PPARD: variants seen among roughly 807,000 people sequenced by gnomAD.
PPARD encodes the protein peroxisome proliferator activated receptor delta.
In PPARD, 6 loss-of-function variants were observed where a neutral mutation model predicts 39.5. The ratio of observed to expected loss-of-function variants is 0.15; its 90% CI spans 0.08 to 0.30. The LOEUF (loss-of-function observed/expected upper bound fraction) is 0.30. Among genes scored for constraint, PPARD ranks in the 10% least tolerant of loss-of-function variants. PPARD has a pLI of 1.00. For missense variants in PPARD, 397 were observed against 596.8 expected (o/e 0.67, Z 3.49); for synonymous variants, 210 against 231.3 (o/e 0.91, Z 0.83).
intron 2 of PPARD, among the ~76,000 whole-genome samples, chr6:35,383,960 A>C (rs1763350121): frequency 1.7e-5 from 2 of 118,260 alleles, no homozygotes; most frequent in Admixed American, 7.5e-5. Flanking sequence ...CCCCCCCGCC[A>C]GGCCAGCAGC....
At chr6:35,411,326 G>T in intron 3 of PPARD, 109 bp downstream of exon 3, 1 of 1,284,162 alleles carries the variant, frequency 7.8e-7, no homozygotes, top group Non-Finnish European at 1.0e-6. Flanking sequence ...GTAGCAGAGT[G>T]CTGAAGGACT....
At position 35,425,707 on chromosome 6, in the gene PPARD, G is replaced by A. The variant is rs774843214; in HGVS notation, c.1079-125G>A. Reference sequence around the variant, plus strand: ...ACACCCAGTGGAGCATTGCTGATGGGACAGGGCTTGGTCTGTCACGGCCAA... The same window carrying A: ...ACACCCAGTGGAGCATTGCTGATGGAACAGGGCTTGGTCTGTCACGGCCAA... On this transcript the variant is annotated intron_variant, in intron 7 of 7. Transcript: ENST00000360694. The surrounding 1 kb of genome is among the most constrained non-coding windows in gnomAD (Gnocchi z 4.5). The A allele has an allele frequency of 5.1e-6, 7 of 1,383,966 alleles. No individual in the cohort carries two copies. Among genetic ancestry groups the A allele is most frequent in the Admixed American group, 2.0e-5 (1 of 51,200 alleles). The allele number at this position is 1,383,966 out of a possible 1,614,324, so 85.7% of individuals were successfully genotyped here. A position where few individuals can be genotyped will look rare whatever the true frequency, so the allele number is the denominator to read the frequency against.
At chr6:35,370,946 C>T (rs1237694711) in intron 2 of PPARD, among the ~76,000 whole-genome samples, 1 of 152,204 alleles carries the variant, frequency 6.6e-6, no homozygotes, top group Non-Finnish European at 1.5e-5. Flanking sequence ...TTCTTCTTCT[C>T]GTGGTTTTCC....
In PPARD at chr6:35,425,856, C is replaced by T. The variant is rs1766537196; in HGVS notation, c.1103C>T (p.Pro368Leu). Residue 368 changes from proline to leucine, a missense_variant, in exon 8 of 8, where the codon CCA (proline) becomes CTA (leucine). Pro to Leu is a moderately conservative substitution (Grantham distance 98, BLOSUM62 -3). Transcript: ENST00000360694. This position sits in a 1 kb window ranked among gnomAD's most constrained non-coding sequence, Gnocchi z 4.5. ...CGDRPGLMNV[P>L]RVEAIQDTIL... ...GACCGGCCAGGCCTCATGAACGTTC[C>T]ACGGGTGGAGGCTATCCAGGACACC... is the stretch of plus-strand genomic sequence containing the variant. The T allele has an allele frequency of 6.2e-7, 1 of 1,613,940 alleles. No individual in the cohort carries two copies. Among genetic ancestry groups the T allele is most frequent in the South Asian group, 1.1e-5 (1 of 91,082 alleles).
At chr6:35,414,970 C>G (rs1307022629) in intron 3 of PPARD, among the ~76,000 whole-genome samples, 1 of 152,230 alleles carries the variant, frequency 6.6e-6, no homozygotes. Flanking sequence ...CAGAAACCCA[C>G]TTGCCAGGGT....
chr6:35,397,302 A>G (rs1764394048), intron 2 of PPARD, among the ~76,000 whole-genome samples: 1 of 151,770 alleles, frequency 6.6e-6, no homozygotes, highest in African/African-American at 2.4e-5. Flanking sequence ...AAGAAGCACC[A>G]GTGCTGCCTC....
chr6:35,346,497 G>T (rs1420840234), intron 1 of PPARD, among the ~76,000 whole-genome samples: 1 of 152,184 alleles, frequency 6.6e-6, no homozygotes, highest in Non-Finnish European at 1.5e-5. Flanking sequence ...ATGGTTTGGT[G>T]TCCATGCACA....
chr6:35,359,066 T>C (rs1761781241), intron 2 of PPARD, among the ~76,000 whole-genome samples: 1 of 152,060 alleles, frequency 6.6e-6, no homozygotes, highest in African/African-American at 2.4e-5. Flanking sequence ...GAGAGTGAAC[T>C]ATTGTGGGAA....
intron 2 of PPARD, among the ~76,000 whole-genome samples, chr6:35,393,534 C>G (rs534290973): frequency 2.0e-4 from 30 of 152,290 alleles, no homozygotes; most frequent in Admixed American, 1.4e-3. Flanking sequence ...CTCCTCCTGG[C>G]TCTGAGTCCT....
chr6:35,372,057 T>C (rs1562183318), intron 2 of PPARD, among the ~76,000 whole-genome samples: 1 of 152,252 alleles, frequency 6.6e-6, no homozygotes, highest in Non-Finnish European at 1.5e-5. Flanking sequence ...CAAGGGCCTT[T>C]GACAGATTGT....
intron 3 of PPARD, among the ~76,000 whole-genome samples, chr6:35,411,434 A>G (rs1293862308): frequency 6.6e-6 from 1 of 152,244 alleles, no homozygotes. Flanking sequence ...TTCCTTCTGT[A>G]AAACAGGCCA....
At chr6:35,380,029 T>C (rs557270389) in intron 2 of PPARD, among the ~76,000 whole-genome samples, 3 of 152,370 alleles carry the variant, frequency 2.0e-5, no homozygotes, top group South Asian at 4.1e-4. Context: ...TTTTCCATTT[T>C]TCTAGGAGAG....
At chr6:35,387,393 T>G (rs1049012655) in intron 2 of PPARD, among the ~76,000 whole-genome samples, 4 of 152,188 alleles carry the variant, frequency 2.6e-5, no homozygotes, top group African/African-American at 9.7e-5. Context: ...GCCCCTCATT[T>G]TAGTTTATTT....
chr6:35,424,218 G>A lies in PPARD; in HGVS notation c.627+70G>A, dbSNP rs906591843. 7.0e-5 allele frequency: 112 copies of A among 1,592,336 alleles called. No individual in the cohort carries two copies. The highest frequency in any genetic ancestry group is 5.0e-4 in the Middle Eastern group (3 of 6,040). On this transcript the variant is annotated intron_variant, in intron 6 of 7. Coordinates refer to ENST00000360694, the MANE Select transcript of PPARD (RefSeq NM_006238.5). The surrounding 1 kb of genome is among the most constrained non-coding windows in gnomAD (Gnocchi z 7.1). The stretch of plus-strand genomic sequence containing the variant: ...GTCCCACTGCCGCCTGCCTGACTCC[G>A]GGAGAGCCAGGCCTTCTCCCTCCCT...
intron 2 of PPARD, among the ~76,000 whole-genome samples, chr6:35,351,166 C>T (rs776513335): frequency 6.6e-6 from 1 of 152,010 alleles, no homozygotes; most frequent in Non-Finnish European, 1.5e-5. Flanking sequence ...GCTGGGACTA[C>T]AGGTGCCCGC....
Position 35,383,601 on chromosome 6 carries a change from C to G in PPARD, c.-101-27386C>G, listed in dbSNP as rs1763292544. Among the ~76,000 whole-genome samples the G allele has an allele frequency of 2.3e-5, 3 of 132,494 alleles. 1 individual carries two copies. In the South Asian group the frequency reaches 6.4e-4, roughly 28 times the overall value. 86.9% of individuals were successfully genotyped at this position (132,494 alleles called of 152,430 possible). ...GGAGGTGAGGAGCGCCTCTTTCCGGCCGCCATCACATCTAGGAAGGAGGAG... is the reference window on the plus strand; with the variant it reads ...GGAGGTGAGGAGCGCCTCTTTCCGGGCGCCATCACATCTAGGAAGGAGGAG... On this transcript the variant is annotated intron_variant, in intron 2 of 7. Coordinates refer to ENST00000360694, the MANE Select transcript of PPARD (RefSeq NM_006238.5).
intron 2 of PPARD, among the ~76,000 whole-genome samples, chr6:35,347,609 T>A (rs1046635296): frequency 1.3e-5 from 2 of 151,722 alleles, no homozygotes; most frequent in Non-Finnish European, 2.9e-5. Context: ...ATATATTTTG[T>A]TTGTTTGTTT....
chr6:35,374,657 CAAAAAAA>C (rs372824499), intron 2 of PPARD, among the ~76,000 whole-genome samples: 1 of 80,560 alleles, frequency 1.2e-5, no homozygotes, highest in African/African-American at 3.5e-5. Context: ...GACTCTGTCT[CAAAAAAA>C]AAAAAAAAGA....
Position 35,371,624 on chromosome 6 carries a change from G to A in PPARD, c.-102+24474G>A, listed in dbSNP as rs79407273. The stretch of plus-strand genomic sequence containing the variant: ...CTGCCATGCACAGGTCGTTCCTCCC[G>A]TTCTTTTGAGTGTTTCTCCCCACTG... On this transcript the variant is annotated intron_variant, in intron 2 of 7. Coordinates refer to ENST00000360694, the MANE Select transcript of PPARD (RefSeq NM_006238.5). Among the ~76,000 whole-genome samples, 177 of 152,144 alleles carry A rather than the reference G, an allele frequency of 1.2e-3. No homozygotes were observed. In the East Asian group the frequency reaches 0.015, roughly 13 times the overall value.
Sources: allele counts gnomAD v4.1 joint callset (sites outside exome capture counted in the v4.1 genomes callset), GRCh38; gene constraint gnomAD v4.1.1; non-coding constraint Gnocchi (gnomAD v3.1); transcripts MANE v1.5; gene names NCBI Gene and HGNC (gene_info 2026-07-23, HGNC 2026-07-21).